Variants in PRTG observed in about 807,000 individuals in gnomAD.
PRTG encodes the protein immunoglobulin superfamily, DCC subclass, member 5.
In PRTG, 67 loss-of-function variants were observed where a neutral mutation model predicts 122.5. The observed-to-expected ratio is 0.55, with a 90% confidence interval of 0.45 to 0.67. The LOEUF is 0.67. Ranked by LOEUF, PRTG falls within the 30% of genes least tolerant of loss-of-function variation. The pLI is 0.00. For missense variants in PRTG, 1,435 were observed against 1,415.4 expected (o/e 1.01, Z -0.22); for synonymous variants, 554 against 501.1 (o/e 1.11, Z -1.41).
intron 2 of PRTG, among the ~76,000 whole-genome samples, chr15:55,711,449 A>G (rs1241714725): frequency 6.6e-6 from 1 of 152,154 alleles, no homozygotes; most frequent in Non-Finnish European, 1.5e-5. Flanking sequence ...CATTTCTGGA[A>G]TCTGGGCAGA....
intron 2 of PRTG, among the ~76,000 whole-genome samples, chr15:55,698,142 C>A (rs1383065910): frequency 6.6e-6 from 1 of 152,144 alleles, no homozygotes; most frequent in Non-Finnish European, 1.5e-5. Flanking sequence ...TATTCCCATT[C>A]TTTTGCATCA....
At chr15:55,664,117 G>C (rs1167219744) in intron 11 of PRTG, among the ~76,000 whole-genome samples, 1 of 151,992 alleles carries the variant, frequency 6.6e-6, no homozygotes, top group African/African-American at 2.4e-5. Context: ...TTTTTGTCTT[G>C]TTTTGTTTTG....
chr15:55,635,320 G>C (rs2059251892), intron 15 of PRTG, among the ~76,000 whole-genome samples: 1 of 152,114 alleles, frequency 6.6e-6, no homozygotes, highest in Admixed American at 6.5e-5. Context: ...TTGAACTTCT[G>C]ACCTCGTGAT....
chr15:55,620,741 G>C lies in PRTG; in HGVS notation c.3120C>G (p.Ser1040Arg). 6.3e-7 allele frequency: 1 copy of C among 1,597,354 alleles called. No homozygotes were observed. The highest frequency in any genetic ancestry group is 8.5e-7 in the Non-Finnish European group (1 of 1,175,756). Residue 1040 changes from serine to arginine, a missense_variant, in exon 19 of 20, where the codon AGC becomes AGG. Physicochemically the swap from Ser to Arg is moderately radical, Grantham distance 110. Transcript: ENST00000389286. ...AKGGTDLIINSYGPIIKNNSK... is the reference protein window; with the variant it reads ...AKGGTDLIINRYGPIIKNNSK... ...AGTTGTTTTTAATTATAGGACCATA[G>C]CTATTAATTATCAGGTCAGTTCCTC...
In PRTG at chr15:55,614,284, T is replaced by C. The variant is rs3910565; in HGVS notation, c.*5728A>G. ...AAGAAAGATCAAATTTCCTAGGAAA[T>C]GTATATACATGCTGATGGCATAAGG... On this transcript the variant is annotated 3_prime_UTR_variant, in exon 20 of 20. Transcript: ENST00000389286. The C allele has an allele frequency of 0.19, 29,244 of 151,912 alleles. 3,795 individuals carry two copies. Among genetic ancestry groups the C allele is most frequent in the East Asian group, 0.57 (2,916 of 5,152 alleles). 9.4% of individuals were successfully genotyped at this position (151,912 alleles called of 1,614,324 possible).
intron 18 of PRTG, 65 bp from the exon 19 acceptor site, chr15:55,620,832 T>C (rs1006780733): frequency 1.5e-6 from 2 of 1,332,930 alleles, no homozygotes; most frequent in Middle Eastern, 1.9e-4. Context: ...TTATCACAAG[T>C]AGTGCATACT....
chr15:55,702,043 T>C (rs1292374587), intron 2 of PRTG, among the ~76,000 whole-genome samples: 1 of 152,154 alleles, frequency 6.6e-6, no homozygotes, highest in African/African-American at 2.4e-5. Context: ...GTGTTAAAAT[T>C]CATAGAACTA....
At chr15:55,718,862 C>T (rs558027489) in intron 2 of PRTG, among the ~76,000 whole-genome samples, 2 of 152,182 alleles carry the variant, frequency 1.3e-5, no homozygotes, top group South Asian at 2.1e-4. Context: ...CCTGCCTCAG[C>T]CTCTCGAGTA....
At chr15:55,632,602 T>G (rs1003563132) in intron 15 of PRTG, among the ~76,000 whole-genome samples, 5 of 152,222 alleles carry the variant, frequency 3.3e-5, no homozygotes, top group Non-Finnish European at 5.9e-5. Flanking sequence ...CTCCTTGGCC[T>G]TCTTGCTGTT....
At chr15:55,686,179 T>TG (rs1301263133) in intron 2 of PRTG, among the ~76,000 whole-genome samples, 2 of 152,108 alleles carry the variant, frequency 1.3e-5, no homozygotes, top group African/African-American at 4.8e-5. Context: ...ACATTTATCT[T>TG]GGGGGGAATT....
Position 55,679,659 on chromosome 15 carries a change from T to C in PRTG, c.974-214A>G, listed in dbSNP as rs1411367011. The C allele has an allele frequency of 1.2e-5, 6 of 486,628 alleles. No individual in the cohort carries two copies. In the East Asian group the frequency reaches 2.0e-4, roughly 17 times the overall value. The allele number at this position is 486,628 out of a possible 1,614,324, so 30.1% of individuals were successfully genotyped here. A position where few individuals can be genotyped will look rare whatever the true frequency, so the allele number is the denominator to read the frequency against. ...ATGATTTCCCTATTCAGAGCATCTA[T>C]ATAGACACACTTAAAATATATGTAC... On this transcript the variant is annotated intron_variant, in intron 6 of 19. Transcript: ENST00000389286.
In PRTG at chr15:55,613,045, C is replaced by G. The variant is rs560996001; in HGVS notation, c.*6967G>C. 5.3e-5 allele frequency: 8 copies of G among 152,030 alleles called. No individual in the cohort carries two copies. Among genetic ancestry groups the G allele is most frequent in the Admixed American group, 2.0e-4 (3 of 15,276 alleles). 9.4% of individuals were successfully genotyped at this position (152,030 alleles called of 1,614,324 possible). On this transcript the variant is annotated 3_prime_UTR_variant, in exon 20 of 20. Transcript: ENST00000389286. ...TTATGATTATTTACACTTGAATTTT[C>G]TCTTAAGTTTTCAAAGTACTATTGT... is the stretch of plus-strand genomic sequence containing the variant.
chr15:55,656,577 A>G (rs564593660), intron 11 of PRTG, among the ~76,000 whole-genome samples: 48 of 152,064 alleles, frequency 3.2e-4, no homozygotes, highest in Non-Finnish European at 5.9e-4. Context: ...GTGTGATCTC[A>G]GCTCACAGCA....
chr15:55,718,876 G>A (rs1354989555), intron 2 of PRTG, among the ~76,000 whole-genome samples: 1 of 151,920 alleles, frequency 6.6e-6, no homozygotes, highest in African/African-American at 2.4e-5. Context: ...TCGAGTAGCT[G>A]TGACTACAGG....
intron 2 of PRTG, among the ~76,000 whole-genome samples, chr15:55,688,106 T>C (rs982480009): frequency 3.3e-5 from 5 of 152,250 alleles, no homozygotes; most frequent in African/African-American, 1.2e-4. Flanking sequence ...TCACGTTACG[T>C]GATCCGTCTA....
At chr15:55,684,271 C>A (rs996002959) in intron 2 of PRTG, among the ~76,000 whole-genome samples, 5 of 152,116 alleles carry the variant, frequency 3.3e-5, no homozygotes, top group African/African-American at 1.2e-4. Context: ...TATTGTATAT[C>A]AGAGGAGAGG....
chr15:55,662,135 A>G (rs1248651967), intron 11 of PRTG, among the ~76,000 whole-genome samples: 1 of 152,236 alleles, frequency 6.6e-6, no homozygotes, highest in Non-Finnish European at 1.5e-5. Flanking sequence ...AAAATGTTTA[A>G]GAAGTATAGG....
In PRTG at chr15:55,627,033, T is replaced by A. The variant is rs773104035; in HGVS notation, c.2902A>T (p.Ile968Phe). The A allele has an allele frequency of 6.2e-7, 1 of 1,609,640 alleles. No homozygotes were observed. The highest frequency in any genetic ancestry group is 1.1e-5 in the South Asian group (1 of 89,992). The change falls in exon 17 of 20, where the codon ATC (isoleucine) becomes TTC (phenylalanine). Residue 968 changes from isoleucine (I) to phenylalanine (F), a missense_variant. Physicochemically the swap from Ile to Phe is conservative, Grantham distance 21. Transcript: ENST00000389286. ...CTGGCTTTACTTCGGTATATCAAGATGAGAACACAGATGAGGATGCAGGTC... is the reference window on the plus strand; with the variant it reads ...CTGGCTTTACTTCGGTATATCAAGAAGAGAACACAGATGAGGATGCAGGTC... Reference protein sequence around the residue: ...ALTCILICVLILIYRSKARKS... With the variant: ...ALTCILICVLFLIYRSKARKS...
At chr15:55,716,319 C>T (rs1486668583) in intron 2 of PRTG, among the ~76,000 whole-genome samples, 1 of 152,184 alleles carries the variant, frequency 6.6e-6, no homozygotes, top group East Asian at 1.9e-4. Context: ...ACAATAATTT[C>T]ACTTTTTATT....
Sources: allele counts gnomAD v4.1 joint callset (sites outside exome capture counted in the v4.1 genomes callset), GRCh38; gene constraint gnomAD v4.1.1; transcripts MANE v1.5; gene names NCBI Gene and HGNC (gene_info 2026-07-23, HGNC 2026-07-21).